NEK11: variants seen among roughly 807,000 people sequenced by gnomAD.
NEK11 encodes NIMA related kinase 11, also known as serine/threonine-protein kinase Nek11.
A neutral mutation model predicts 80.7 loss-of-function variants in NEK11; 72 were observed. The ratio of observed to expected loss-of-function variants is 0.89; its 90% confidence interval spans 0.74 to 1.08. NEK11 has a LOEUF of 1.08. Among genes scored for constraint, NEK11 ranks in the 50% least tolerant of loss-of-function variants. NEK11 has a pLI of 0.00. For missense variants in NEK11, 764 were observed against 763.6 expected (o/e 1.00, Z -0.01); for synonymous variants, 251 against 260.7 (o/e 0.96, Z 0.36).
At chr3:131,142,090 T>G (rs935146293) in intron 7 of NEK11, among the ~76,000 whole-genome samples, 1 of 152,176 alleles carries the variant, frequency 6.6e-6, no homozygotes, top group Non-Finnish European at 1.5e-5. Context: ...TTTTCCCAGT[T>G]CCAGGACACA....
At chr3:131,087,607 A>G (rs1302920523) in intron 4 of NEK11, among the ~76,000 whole-genome samples, 1 of 152,208 alleles carries the variant, frequency 6.6e-6, no homozygotes, top group Non-Finnish European at 1.5e-5. Flanking sequence ...AACTGATTGT[A>G]CTATAAAACG....
intron 14 of NEK11, among the ~76,000 whole-genome samples, chr3:131,206,387 T>C (rs2150446488): frequency 6.6e-6 from 1 of 152,348 alleles, no homozygotes; most frequent in East Asian, 1.9e-4. Context: ...TTTTTAAACT[T>C]AACAAAGGTT....
intron 4 of NEK11, among the ~76,000 whole-genome samples, chr3:131,108,774 C>A (rs1560440468): frequency 6.6e-6 from 1 of 151,946 alleles, no homozygotes; most frequent in Non-Finnish European, 1.5e-5. Context: ...CTTGGATCCC[C>A]ACATAGATCC....
intron 17 of NEK11, among the ~76,000 whole-genome samples, chr3:131,304,801 C>T (rs1012246531): frequency 6.6e-6 from 1 of 152,044 alleles, no homozygotes; most frequent in South Asian, 2.1e-4. Context: ...TTGGTGCTGG[C>T]CAAAGAGTTC....
Position 131,350,086 on chromosome 3 carries a change from C to A in NEK11, c.*310C>A, listed in dbSNP as rs747686191. ...AGGATTGAGTCACCCTGACGATGAC[C>A]GGGGAGAAGCCGTGTGCTCTTCATT... On this transcript the variant is annotated 3_prime_UTR_variant, in exon 18 of 18. Coordinates refer to ENST00000383366, the MANE Select transcript of NEK11 (RefSeq NM_024800.5). The A allele has an allele frequency of 1.4e-4, 43 of 297,430 alleles. No homozygotes were observed. The highest frequency in any genetic ancestry group is 9.2e-4 in the African/African-American group (42 of 45,494). The allele number at this position is 297,430 out of a possible 1,614,324, so 18.4% of individuals were successfully genotyped here. A position where few individuals can be genotyped will look rare whatever the true frequency, so the allele number is the denominator to read the frequency against.
Position 131,179,254 on chromosome 3 carries a change from C to A in NEK11, c.1399+8367C>A, listed in dbSNP as rs544781597. 3.9e-5 allele frequency among the ~76,000 whole-genome samples: 6 copies of A among 152,304 alleles called. No individual in the cohort carries two copies. In the East Asian group the frequency reaches 1.2e-3, roughly 29 times the overall value. On this transcript the variant is annotated intron_variant, in intron 14 of 17. Coordinates refer to ENST00000383366, the MANE Select transcript of NEK11 (RefSeq NM_024800.5). ...GTTGCCTTGATCTTGGACTTCCCAG[C>A]CTCCAGGACTGTGAGAAATAAATTT...
chr3:131,186,898 G>GA (rs2093622854), intron 14 of NEK11, among the ~76,000 whole-genome samples: 1 of 152,132 alleles, frequency 6.6e-6, no homozygotes, highest in Admixed American at 6.6e-5. Flanking sequence ...GATACATAGG[G>GA]ATTTGTTATC....
chr3:131,120,348 G>A (rs910513883), intron 5 of NEK11, among the ~76,000 whole-genome samples: 2 of 152,156 alleles, frequency 1.3e-5, no homozygotes, highest in Admixed American at 6.5e-5. Flanking sequence ...TGAGAGATCC[G>A]CTGTTAGTCT....
At chr3:131,260,106 A>G (rs563932603) in intron 16 of NEK11, among the ~76,000 whole-genome samples, 1 of 152,264 alleles carries the variant, frequency 6.6e-6, no homozygotes, top group East Asian at 1.9e-4. Flanking sequence ...TGGGGCTGTC[A>G]TCTGGAGAGG....
At chr3:131,184,445 C>T (rs1053773475) in intron 14 of NEK11, among the ~76,000 whole-genome samples, 56 of 152,164 alleles carry the variant, frequency 3.7e-4, no homozygotes, top group African/African-American at 1.2e-3. Context: ...GGACCATGTC[C>T]GTCTTGCTCA....
chr3:131,275,732 GA>G (rs1414301808), intron 17 of NEK11, among the ~76,000 whole-genome samples: 1 of 152,214 alleles, frequency 6.6e-6, no homozygotes, highest in African/African-American at 2.4e-5. Context: ...GCCAGCCAGA[GA>G]GAGGAAATCT....
At chr3:131,064,615 T>TA (rs2148848783) in intron 3 of NEK11, among the ~76,000 whole-genome samples, 1 of 152,266 alleles carries the variant, frequency 6.6e-6, no homozygotes, top group East Asian at 1.9e-4. Context: ...ATAAGGATAA[T>TA]AAAGGGTTCT....
intron 7 of NEK11, among the ~76,000 whole-genome samples, chr3:131,147,573 T>G (rs1331005760): frequency 6.6e-6 from 1 of 152,060 alleles, no homozygotes; most frequent in Non-Finnish European, 1.5e-5. Flanking sequence ...CAGGTTCCTT[T>G]GTATTTCCAT....
chr3:131,198,198 A>G (rs2094101637), intron 14 of NEK11, among the ~76,000 whole-genome samples: 1 of 152,148 alleles, frequency 6.6e-6, no homozygotes, highest in African/African-American at 2.4e-5. Context: ...CAAGTATTCC[A>G]TTATCACTGA....
intron 17 of NEK11, among the ~76,000 whole-genome samples, chr3:131,331,114 T>A (rs2097073032): frequency 6.6e-6 from 1 of 152,214 alleles, no homozygotes; most frequent in Non-Finnish European, 1.5e-5. Context: ...GGGGGACACA[T>A]TCATGCACTA....
chr3:131,293,586 T>C (rs1339953181), intron 17 of NEK11, among the ~76,000 whole-genome samples: 2 of 151,974 alleles, frequency 1.3e-5, no homozygotes, highest in African/African-American at 2.4e-5. Flanking sequence ...GTTTTTATTT[T>C]GGTTTAGGTT....
intron 17 of NEK11, among the ~76,000 whole-genome samples, chr3:131,346,712 G>C (rs927876073): frequency 6.6e-6 from 1 of 152,132 alleles, no homozygotes; most frequent in African/African-American, 2.4e-5. Flanking sequence ...TATTATCATG[G>C]GGGTAGAGTC....
intron 16 of NEK11, among the ~76,000 whole-genome samples, chr3:131,272,347 G>A (rs565220037): frequency 5.9e-5 from 9 of 151,842 alleles, no homozygotes; most frequent in African/African-American, 1.9e-4. Flanking sequence ...ATCTAAGGAC[G>A]TGCACAGGGA....
chr3:131,334,916 C>G (rs535851232), intron 17 of NEK11, among the ~76,000 whole-genome samples: 2 of 152,244 alleles, frequency 1.3e-5, no homozygotes, highest in Admixed American at 1.3e-4. Flanking sequence ...AAGACTAAAC[C>G]AGGAAGAAGT....
Sources: allele counts gnomAD v4.1 joint callset (sites outside exome capture counted in the v4.1 genomes callset), GRCh38; gene constraint gnomAD v4.1.1; transcripts MANE v1.5; gene names NCBI Gene and HGNC (gene_info 2026-07-23, HGNC 2026-07-21).